Variants in NUP153 observed in about 807,000 individuals in gnomAD.
NUP153 encodes the protein nuclear pore complex protein Nup153.
NUP153 carries 27 observed loss-of-function variants against 134.6 expected under a neutral mutation model. That is an observed-to-expected ratio of 0.20 (90% CI 0.15 to 0.28). NUP153 has a LOEUF of 0.28. Ranked by LOEUF, NUP153 falls within the 10% of genes least tolerant of loss-of-function variation. The pLI is 1.00. For missense variants in NUP153, 1,821 were observed against 1,731.3 expected, an observed-to-expected ratio of 1.05 and a Z score of -0.92; for synonymous variants, 640 against 623.5, an observed-to-expected ratio of 1.03 and a Z score of -0.40.
intron 17 of NUP153, among the ~76,000 whole-genome samples, chr6:17,630,299 T>G (rs1031949887): frequency 2.0e-5 from 3 of 152,178 alleles, no homozygotes; most frequent in Non-Finnish European, 4.4e-5. Context: ...TGTTATTCAC[T>G]CAAGCATTTA....
intron 15 of NUP153, 45 bp downstream of exon 15, chr6:17,639,894 G>A (rs1765747321): frequency 1.3e-6 from 2 of 1,544,828 alleles, no homozygotes; most frequent in Non-Finnish European, 1.8e-6. Context: ...ATTAAATTGA[G>A]ATCATGAGTT....
At chr6:17,624,470 T>C in intron 20 of NUP153, 91 bp downstream of exon 20, 1 of 1,229,188 alleles carries the variant, frequency 8.1e-7, no homozygotes, top group East Asian at 2.3e-5. Context: ...AATTTTAAAA[T>C]TAGACATATG....
rs756420482 is a variant in NUP153 at position 17,615,963 on chromosome 6, A to C, written c.*134T>G. On this transcript the variant is annotated 3_prime_UTR_variant, in exon 22 of 22. Coordinates refer to ENST00000262077, the MANE Select transcript of NUP153 (RefSeq NM_005124.4). This position sits in a 1 kb window ranked among gnomAD's most constrained non-coding sequence, Gnocchi z 5.7. ...GTGGGGCTTCTGTAACGAAAGAGAA[A>C]GGAGGAAAATTCCAAAATTAAAGAA... The C allele has an allele frequency of 3.8e-5, 22 of 579,436 alleles. No individual in the cohort carries two copies. The highest frequency in any genetic ancestry group is 4.4e-4 in the Middle Eastern group (1 of 2,250). 35.9% of individuals were successfully genotyped at this position (579,436 alleles called of 1,614,324 possible). A position where few individuals can be genotyped will look rare whatever the true frequency, so the allele number is the denominator to read the frequency against.
At chr6:17,642,512 C>T (rs1407714749) in intron 14 of NUP153, among the ~76,000 whole-genome samples, 3 of 152,170 alleles carry the variant, frequency 2.0e-5, no homozygotes, top group Non-Finnish European at 4.4e-5. Context: ...CAAAGTATTA[C>T]TTTACATCCA....
chr6:17,658,832 T>A (rs1766996679), intron 11 of NUP153, among the ~76,000 whole-genome samples: 1 of 152,050 alleles, frequency 6.6e-6, no homozygotes, highest in African/African-American at 2.4e-5. Context: ...GCTCAGTGGT[T>A]AACCAAGAAG....
chr6:17,665,010 G>A (rs890175351), intron 9 of NUP153, among the ~76,000 whole-genome samples: 2 of 117,450 alleles, frequency 1.7e-5, no homozygotes, highest in Non-Finnish European at 3.2e-5. Flanking sequence ...CTGAGACCAT[G>A]CCATTGCACT....
chr6:17,640,024 C>G lies in NUP153; in HGVS notation c.1761G>C (p.Lys587Asn), dbSNP rs1765753686. 6.2e-7 allele frequency: 1 copy of G among 1,611,604 alleles called. No homozygotes were observed. The highest frequency in any genetic ancestry group is 1.3e-5 in the African/African-American group (1 of 74,832). ...VTTVNSTNCK[K>N]TPPEDCEGPF... ...GACCCTCACAATCTTCAGGTGGTGT[C>G]TTCTTACAATTTGTACTGTTCACTG... is the stretch of plus-strand genomic sequence containing the variant. Residue 587 changes from lysine (K) to asparagine (N), a missense_variant, in exon 15 of 22, where the codon AAG (lysine) becomes AAC (asparagine). By Grantham distance (94) the Lys-to-Asn change is moderately conservative (BLOSUM62 0). Coordinates refer to ENST00000262077, the MANE Select transcript of NUP153 (RefSeq NM_005124.4).
intron 2 of NUP153, among the ~76,000 whole-genome samples, chr6:17,677,569 A>C (rs1157085401): frequency 6.6e-6 from 1 of 152,148 alleles, no homozygotes; most frequent in Non-Finnish European, 1.5e-5. Flanking sequence ...CTAGGATCAC[A>C]CTGAATTTAA....
At chr6:17,672,140 A>G (rs1199792634) in intron 5 of NUP153, among the ~76,000 whole-genome samples, 1 of 152,116 alleles carries the variant, frequency 6.6e-6, no homozygotes, top group Non-Finnish European at 1.5e-5. Flanking sequence ...TGGACTACTC[A>G]CATCACCTAA....
At chr6:17,702,049 T>C (rs948872700) in intron 1 of NUP153, among the ~76,000 whole-genome samples, 1 of 150,716 alleles carries the variant, frequency 6.6e-6, no homozygotes, top group African/African-American at 2.5e-5. Flanking sequence ...GGTTTGCCCA[T>C]GGACTCAAGT....
At chr6:17,627,399 C>T (rs781698400) in intron 18 of NUP153, among the ~76,000 whole-genome samples, 2 of 151,898 alleles carry the variant, frequency 1.3e-5, no homozygotes, top group African/African-American at 2.4e-5. Flanking sequence ...TGAGTGTTTC[C>T]AATTTATTAT....
At chr6:17,681,606 C>T (rs543571185) in intron 2 of NUP153, among the ~76,000 whole-genome samples, 2 of 152,054 alleles carry the variant, frequency 1.3e-5, no homozygotes, top group South Asian at 4.2e-4. Flanking sequence ...AATAAAAAAC[C>T]AGAGATACTG....
In NUP153 at chr6:17,629,074, G is replaced by C; in HGVS notation, c.3125C>G (p.Ser1042Cys). 6.2e-7 allele frequency: 1 copy of C among 1,614,214 alleles called. No homozygotes were observed. Among genetic ancestry groups the C allele is most frequent in the South Asian group, 1.1e-5 (1 of 91,084 alleles). The change falls in exon 18 of 22, where the codon TCT becomes TGT. Residue 1042 changes from serine (S) to cysteine (C), a missense_variant. Transcript: ENST00000262077. ...AAGGTTGAAGCTGCTCTTGTTCTCA[G>C]AGGTCACTATGGTGTTAGCAGGAGC... ...TPAPANTIVT[S>C]ENKSSFNLGT...
At chr6:17,616,388 G>T in intron 21 of NUP153, 139 bp downstream of exon 21, 1 of 841,982 alleles carries the variant, frequency 1.2e-6, no homozygotes, top group Non-Finnish European at 1.8e-6. Context: ...CAGAATTATA[G>T]TATGGTAAAT....
At chr6:17,672,094 T>C (rs1421828482) in intron 5 of NUP153, among the ~76,000 whole-genome samples, 1 of 151,774 alleles carries the variant, frequency 6.6e-6, no homozygotes, top group Non-Finnish European at 1.5e-5. Flanking sequence ...GCAAAGGACC[T>C]AAAAAAGCCA....
In NUP153 at chr6:17,680,245, T is replaced by C. The variant is rs899620629; in HGVS notation, c.335-4475A>G. Among the ~76,000 whole-genome samples, 3 of 152,086 alleles carry C rather than the reference T, an allele frequency of 2.0e-5. No homozygotes were observed. Among genetic ancestry groups the C allele is most frequent in the African/African-American group, 7.2e-5 (3 of 41,416 alleles). ...CCAAAGAGCCTGTGGTCTGTAATAC[T>C]GTAATAAAGACAGGCAATACAGACC... is the stretch of plus-strand genomic sequence containing the variant. On this transcript the variant is annotated intron_variant, in intron 2 of 21. Transcript: ENST00000262077. This position sits in a 1 kb window ranked among gnomAD's most constrained non-coding sequence, Gnocchi z 4.5.
In NUP153 at chr6:17,628,757, T is replaced by C. The variant is rs1765076659; in HGVS notation, c.3442A>G (p.Lys1148Glu). 1.2e-6 allele frequency: 2 copies of C among 1,614,092 alleles called. No homozygotes were observed. Among genetic ancestry groups the C allele is most frequent in the African/African-American group, 2.7e-5 (2 of 74,938 alleles). Residue 1148 changes from lysine (K) to glutamate (E), a missense_variant, in exon 18 of 22, where the codon AAG (lysine) becomes GAG (glutamate). Transcript: ENST00000262077. The surrounding 1 kb of genome is among the most constrained non-coding windows in gnomAD (Gnocchi z 5.4). ...GTCATACTAAAACTAAATGTGGACT[T>C]TGAAGAATTCTCATCTTTGGTTTGC... ...SEQTKDENSS[K>E]STFSFSMTKP...
intron 12 of NUP153, 128 bp from the exon 13 acceptor site, chr6:17,648,033 T>C (rs1766301032): frequency 3.1e-6 from 2 of 638,350 alleles, no homozygotes; most frequent in Non-Finnish European, 5.5e-6. Context: ...AATTTAAAAA[T>C]CTCACTTTAA....
intron 1 of NUP153, among the ~76,000 whole-genome samples, chr6:17,697,750 G>GA (rs1312708328): frequency 6.7e-6 from 1 of 149,824 alleles, no homozygotes; most frequent in Non-Finnish European, 1.5e-5. Context: ...CACTAACTCA[G>GA]AAACAGCTGG....
Sources: allele counts gnomAD v4.1 joint callset (sites outside exome capture counted in the v4.1 genomes callset), GRCh38; gene constraint gnomAD v4.1.1; non-coding constraint Gnocchi (gnomAD v3.1); transcripts MANE v1.5; gene names NCBI Gene and HGNC (gene_info 2026-07-23, HGNC 2026-07-21).